Variants in NPTN observed in about 807,000 individuals in gnomAD.
NPTN encodes the protein SDR-1.
A neutral mutation model predicts 42.7 loss-of-function variants in NPTN; 5 were observed. The ratio of observed to expected loss-of-function variants is 0.12; its 90% CI spans 0.06 to 0.25. The LOEUF is 0.25. Ranked by LOEUF, NPTN falls within the 10% of genes least tolerant of loss-of-function variation. The probability of loss-of-function intolerance (pLI) is 1.00; values close to 1 mark genes in which losing one functional copy is unlikely to be tolerated. For synonymous variants in NPTN, 180 were observed against 201.9 expected (o/e 0.89, Z 0.92); for missense variants, 307 against 525.4 (o/e 0.58, Z 4.06).
Position 73,560,919 on chromosome 15 carries a change from G to A in NPTN, c.*144C>T, listed in dbSNP as rs1332412305. 6.6e-6 allele frequency: 1 copy of A among 152,566 alleles called. No homozygotes were observed. The highest frequency in any genetic ancestry group is 1.5e-5 in the Non-Finnish European group (1 of 68,022). The allele number at this position is 152,566 out of a possible 1,614,324, so 9.5% of individuals were successfully genotyped here. ...GTACCTGGCTAGATCACCCTTACAG[G>A]AGAGGCTAAATAAGGCATGCTTTAG... On this transcript the variant is annotated 3_prime_UTR_variant, in exon 9 of 9. Transcript: ENST00000345330.
chr15:73,624,607 A>C (rs564649381), intron 1 of NPTN, among the ~76,000 whole-genome samples: 45 of 152,220 alleles, frequency 3.0e-4, no homozygotes, highest in African/African-American at 9.6e-4. Flanking sequence ...GTGTCTAAAA[A>C]CTAGGAAATA....
intron 4 of NPTN, among the ~76,000 whole-genome samples, chr15:73,575,023 G>A (rs930655370): frequency 4.6e-5 from 7 of 152,296 alleles, no homozygotes; most frequent in East Asian, 3.9e-4. Context: ...CGCTCTTGTC[G>A]CCTAGGCTGG....
chr15:73,561,530 T>C (rs1307857548), intron 8 of NPTN, among the ~76,000 whole-genome samples: 1 of 151,804 alleles, frequency 6.6e-6, no homozygotes, highest in Non-Finnish European at 1.5e-5. Context: ...AAATACAAAA[T>C]TTAGCTGGGC....
chr15:73,563,854 A>G (rs1894829019), intron 6 of NPTN, among the ~76,000 whole-genome samples: 1 of 152,232 alleles, frequency 6.6e-6, no homozygotes, highest in Admixed American at 6.5e-5. Context: ...ATGCTGGGCT[A>G]TGCCAGCAAC....
chr15:73,607,892 G>A (rs558116989), intron 1 of NPTN, among the ~76,000 whole-genome samples: 9 of 152,182 alleles, frequency 5.9e-5, no homozygotes, highest in African/African-American at 1.9e-4. Context: ...TGCTGCTCCA[G>A]GGACCATACT....
intron 4 of NPTN, among the ~76,000 whole-genome samples, chr15:73,578,212 C>T (rs191098425): frequency 1.2e-4 from 18 of 152,116 alleles, no homozygotes; most frequent in Admixed American, 3.9e-4. Flanking sequence ...GTGAGTCAGC[C>T]GGGAAGCCAC....
At chr15:73,609,633 A>AAAAC (rs201777466) in intron 1 of NPTN, among the ~76,000 whole-genome samples, 1,543 of 152,268 alleles carry the variant, frequency 0.01, 29 homozygotes, top group African/African-American at 0.035. Context: ...TCCGTCCCTG[A>AAAAC]AAACAAACAA....
chr15:73,561,920 T>C lies in NPTN; in HGVS notation c.1187A>G (p.Asn396Ser). 2 of 1,596,158 alleles carry C rather than the reference T, an allele frequency of 1.3e-6. No individual in the cohort carries two copies. The highest frequency in any genetic ancestry group is 1.7e-6 in the Non-Finnish European group (2 of 1,175,338). ...CATTGTAAGCAGTACTTAATTTGTG[T>C]TTCTCTGGCGCAAGTTTTTATCTTT... ...NHKDKNLRQR[N>S]TN Residue 396 changes from asparagine (N) to serine (S), a missense_variant, in exon 8 of 9, where the codon AAC becomes AGC. Around this residue, in one of 2 missense-constraint regions of NPTN, gnomAD observed 264 missense variants for 491.1 expected, o/e 0.54. Transcript: ENST00000345330.
chr15:73,612,367 C>T (rs996088694), intron 1 of NPTN, among the ~76,000 whole-genome samples: 4 of 150,988 alleles, frequency 2.6e-5, no homozygotes, highest in African/African-American at 4.9e-5. Flanking sequence ...TGCAATAAAC[C>T]GTGATCACAC....
intron 4 of NPTN, among the ~76,000 whole-genome samples, chr15:73,580,390 A>AAT (rs1482463035): frequency 7.6e-6 from 1 of 132,014 alleles, no homozygotes; most frequent in South Asian, 2.2e-4. Flanking sequence ...AAAACTTTAA[A>AAT]ATATATATAT....
chr15:73,600,329 T>C (rs1409639834), intron 1 of NPTN, among the ~76,000 whole-genome samples: 2 of 152,228 alleles, frequency 1.3e-5, no homozygotes, highest in African/African-American at 2.4e-5. Context: ...ACAATGGTCT[T>C]TGAAGGCCAT....
chr15:73,563,142 T>C, intron 7 of NPTN, 94 bp downstream of exon 7: 1 of 899,422 alleles, frequency 1.1e-6, no homozygotes, highest in Non-Finnish European at 1.8e-6. Flanking sequence ...CTCACTGTCT[T>C]CCCCTCCAAT....
intron 4 of NPTN, 58 bp downstream of exon 4, chr15:73,587,466 A>C: frequency 8.1e-7 from 1 of 1,231,308 alleles, no homozygotes; most frequent in Non-Finnish European, 1.2e-6. Flanking sequence ...CTCCAGACCA[A>C]GGTACTGTCT....
chr15:73,609,075 A>G (rs1295255709), intron 1 of NPTN, among the ~76,000 whole-genome samples: 4 of 152,224 alleles, frequency 2.6e-5, no homozygotes. Context: ...AACTTTCTAC[A>G]TAATTATACT....
intron 4 of NPTN, among the ~76,000 whole-genome samples, chr15:73,574,305 A>G (rs1895567323): frequency 6.6e-6 from 1 of 152,236 alleles, no homozygotes; most frequent in East Asian, 1.9e-4. Context: ...AAGCTACTCA[A>G]TAAGTAACAA....
intron 5 of NPTN, among the ~76,000 whole-genome samples, chr15:73,571,694 GA>G (rs1362053415): frequency 6.6e-6 from 1 of 152,154 alleles, no homozygotes; most frequent in East Asian, 1.9e-4. Context: ...CTCAGCTCAT[GA>G]GATCCCGGCA....
chr15:73,618,142 G>A (rs754944162), intron 1 of NPTN, among the ~76,000 whole-genome samples: 29 of 152,266 alleles, frequency 1.9e-4, no homozygotes, highest in Non-Finnish European at 3.5e-4. Flanking sequence ...CCGCCTGCCT[G>A]GAATTCTTTC....
intron 1 of NPTN, among the ~76,000 whole-genome samples, chr15:73,605,976 C>A (rs745689921): frequency 1.4e-4 from 21 of 151,622 alleles, no homozygotes; most frequent in Non-Finnish European, 2.7e-4. Flanking sequence ...GCACAAGAAT[C>A]GCTTGAATGC....
At position 73,633,271 on chromosome 15, in the gene NPTN, G is replaced by T; in HGVS notation, c.-56C>A. On this transcript the variant is annotated 5_prime_UTR_variant, in exon 1 of 9. Coordinates refer to ENST00000345330, the MANE Select transcript of NPTN (RefSeq NM_012428.4). Reference sequence around the variant, plus strand: ...GGCCGGGGCCAGAGCCGGGGCCGGGGAAGGGAGGGGAGGGAGGGAGGGGGC... The same window carrying T: ...GGCCGGGGCCAGAGCCGGGGCCGGGTAAGGGAGGGGAGGGAGGGAGGGGGC... The T allele has an allele frequency of 3.0e-6, 2 of 676,940 alleles. No individual in the cohort carries two copies. The highest frequency in any genetic ancestry group is 4.6e-6 in the Non-Finnish European group (2 of 430,982). The allele number at this position is 676,940 out of a possible 1,614,324, so 41.9% of individuals were successfully genotyped here.
Sources: gnomAD v4.1 joint callset for allele counts (sites outside exome capture counted in the v4.1 genomes callset) on GRCh38, gnomAD v4.1.1 for gene constraint, gnomAD v4.1.1 regional missense constraint, MANE v1.5 for transcripts, NCBI Gene and HGNC (gene_info 2026-07-23, HGNC 2026-07-21) for gene names.